Variants in RBFOX1 observed in about 807,000 individuals in gnomAD.
The protein encoded by RBFOX1 is RNA binding fox-1 homolog 1.
A neutral mutation model predicts 57.7 loss-of-function variants in RBFOX1; 8 were observed. That is an observed-to-expected ratio of 0.14 (90% CI 0.08 to 0.25). RBFOX1 has a LOEUF of 0.25. Ranked by LOEUF, RBFOX1 falls within the 10% of genes least tolerant of loss-of-function variation. RBFOX1 has a pLI of 1.00. For synonymous variants in RBFOX1, 326 were observed against 222.4 expected, an observed-to-expected ratio of 1.47 and a Z score of -4.15; for missense variants, 611 against 548.5, an observed-to-expected ratio of 1.11 and a Z score of -1.14.
intron 4 of RBFOX1, among the ~76,000 whole-genome samples, chr16:7,434,813 C>T (rs894611777): frequency 2.0e-5 from 3 of 151,534 alleles, no homozygotes; most frequent in Non-Finnish European, 2.9e-5. Flanking sequence ...GATCTCTGCT[C>T]ACTGCAACCT....
intron 4 of RBFOX1, among the ~76,000 whole-genome samples, chr16:7,325,208 C>G (rs1197467258): frequency 6.6e-6 from 1 of 152,192 alleles, no homozygotes; most frequent in Non-Finnish European, 1.5e-5. Context: ...GAGCTAAACA[C>G]TGCAGTATAC....
intron 2 of RBFOX1, among the ~76,000 whole-genome samples, chr16:6,427,478 A>G (rs907674773): frequency 3.9e-5 from 6 of 152,226 alleles, no homozygotes; most frequent in African/African-American, 1.4e-4. Context: ...GAATTTAGAC[A>G]GCAAAGCTTA....
intron 3 of RBFOX1, among the ~76,000 whole-genome samples, chr16:5,807,491 C>T (rs1311765874): frequency 6.6e-6 from 1 of 152,174 alleles, no homozygotes; most frequent in Non-Finnish European, 1.5e-5. Context: ...TGGGTCATTA[C>T]TGAGCACTTT....
chr16:5,472,399 C>T (rs951097487), intron 2 of RBFOX1, among the ~76,000 whole-genome samples: 10 of 152,176 alleles, frequency 6.6e-5, no homozygotes, highest in African/African-American at 2.4e-4. Flanking sequence ...CCATTTGCAG[C>T]AGGGGGGATC....
Position 5,552,442 on chromosome 16 carries a change from C to T in RBFOX1, c.259-46460C>T, listed in dbSNP as rs546816848. On this transcript the variant is annotated intron_variant, in intron 2 of 2. Coordinates refer to the RBFOX1 transcript ENST00000585867. The stretch of plus-strand genomic sequence containing the variant: ...AAATGCTCACATAGCCCAAGAGGTG[C>T]GGGATGTTTTAGTCCATGTTTCAGG... Among the ~76,000 whole-genome samples the T allele has an allele frequency of 1.4e-4, 22 of 152,224 alleles. 1 individual carries two copies. The highest frequency in any genetic ancestry group is 2.6e-4 in the African/African-American group (11 of 41,532).
At chr16:6,500,009 G>C (rs1025598801) in intron 2 of RBFOX1, among the ~76,000 whole-genome samples, 2 of 152,084 alleles carry the variant, frequency 1.3e-5, no homozygotes, top group African/African-American at 2.4e-5. Flanking sequence ...CTCCTTTCTA[G>C]AAACCCTTAT....
intron 3 of RBFOX1, among the ~76,000 whole-genome samples, chr16:6,947,489 G>A (rs1436630822): frequency 2.6e-5 from 4 of 152,152 alleles, no homozygotes; most frequent in African/African-American, 7.2e-5. Flanking sequence ...AAGGATGTAG[G>A]AACACCCTGA....
intron 2 of RBFOX1, among the ~76,000 whole-genome samples, chr16:6,394,265 A>G (rs1451440249): frequency 6.6e-6 from 1 of 152,206 alleles, no homozygotes; most frequent in African/African-American, 2.4e-5. Context: ...AACAAAAGGG[A>G]TAATGCTGAT....
At chr16:6,456,888 A>C (rs1049485218) in intron 2 of RBFOX1, among the ~76,000 whole-genome samples, 2 of 152,214 alleles carry the variant, frequency 1.3e-5, no homozygotes, top group African/African-American at 4.8e-5. Context: ...TGGCAGAATT[A>C]GAAAAAAGAG....
intron 1 of RBFOX1, among the ~76,000 whole-genome samples, chr16:6,135,875 C>T (rs901987511): frequency 6.9e-6 from 1 of 144,138 alleles, no homozygotes; most frequent in Admixed American, 7.2e-5. Context: ...GCTCACTGTA[C>T]CCTCTGCCTC....
chr16:7,133,536 G>C (rs1442192906), intron 4 of RBFOX1, among the ~76,000 whole-genome samples: 1 of 152,180 alleles, frequency 6.6e-6, no homozygotes, highest in African/African-American at 2.4e-5. Context: ...AAGACAAGGA[G>C]AAGAGAGAGA....
At chr16:7,088,927 G>T (rs922033850) in intron 4 of RBFOX1, among the ~76,000 whole-genome samples, 15 of 152,330 alleles carry the variant, frequency 9.8e-5, no homozygotes, top group African/African-American at 3.6e-4. Flanking sequence ...CTTCCCTCCA[G>T]TCCCTGCTCT....
intron 4 of RBFOX1, among the ~76,000 whole-genome samples, chr16:7,423,378 G>T (rs551864155): frequency 6.6e-6 from 1 of 152,188 alleles, no homozygotes; most frequent in South Asian, 2.1e-4. Flanking sequence ...GGTGCAGGCA[G>T]GGGAGATAAT....
chr16:6,572,507 A>G (rs1398862827), intron 2 of RBFOX1, among the ~76,000 whole-genome samples: 1 of 152,090 alleles, frequency 6.6e-6, no homozygotes, highest in African/African-American at 2.4e-5. Flanking sequence ...AATCCCTTCC[A>G]TTATTTAGCG....
chr16:7,174,489 C>T (rs991471012), intron 4 of RBFOX1, among the ~76,000 whole-genome samples: 5 of 152,088 alleles, frequency 3.3e-5, no homozygotes, highest in Non-Finnish European at 7.4e-5. Flanking sequence ...GCTTAAGAAA[C>T]CACTAAACTG....
intron 1 of RBFOX1, among the ~76,000 whole-genome samples, chr16:6,146,331 A>G (rs1420988949): frequency 2.6e-5 from 4 of 152,166 alleles, no homozygotes; most frequent in Non-Finnish European, 5.9e-5. Context: ...TAGCTGTTCA[A>G]TGGGTGATAA....
At chr16:6,871,911 CTGTGTG>C (rs57684251) in intron 3 of RBFOX1, among the ~76,000 whole-genome samples, 28,649 of 129,472 alleles carry the variant, frequency 0.22, 3,497 homozygotes, top group Non-Finnish European at 0.29. Flanking sequence ...GGGAGAGAGT[CTGTGTG>C]TGTGTGTGTG....
intron 4 of RBFOX1, among the ~76,000 whole-genome samples, chr16:7,161,631 G>C (rs1467035606): frequency 6.6e-6 from 1 of 152,172 alleles, no homozygotes; most frequent in Non-Finnish European, 1.5e-5. Context: ...ATCCCAGGGA[G>C]CTTTCTATGG....
intron 3 of RBFOX1, among the ~76,000 whole-genome samples, chr16:6,819,918 G>A (rs2090964468): frequency 6.6e-6 from 1 of 152,076 alleles, no homozygotes; most frequent in Admixed American, 6.5e-5. Context: ...ACATCAGGGA[G>A]ACTGTTCCTG....
Sources: gnomAD v4.1 joint callset for allele counts (sites outside exome capture counted in the v4.1 genomes callset) on GRCh38, gnomAD v4.1.1 for gene constraint, MANE v1.5 for transcripts, NCBI Gene and HGNC (gene_info 2026-07-23, HGNC 2026-07-21) for gene names.